DNAI2: variants seen among roughly 807,000 people sequenced by gnomAD.
DNAI2 encodes the protein dynein, axonemal, intermediate polypeptide 2.
A neutral mutation model predicts 74.7 loss-of-function variants in DNAI2; 63 were observed. The ratio of observed to expected loss-of-function variants is 0.84; its 90% confidence interval spans 0.69 to 1.04. The LOEUF (loss-of-function observed/expected upper bound fraction) is 1.04. Among genes scored for constraint, DNAI2 ranks in the 50% least tolerant of loss-of-function variants. DNAI2 has a pLI of 0.00. For synonymous variants in DNAI2, 289 were observed against 314.9 expected, an observed-to-expected ratio of 0.92 and a Z score of 0.87; for missense variants, 688 against 803.2, an observed-to-expected ratio of 0.86 and a Z score of 1.73.
At chr17:74,279,062 G>T (rs2051249296) in intron 1 of DNAI2, among the ~76,000 whole-genome samples, 1 of 152,144 alleles carries the variant, frequency 6.6e-6, no homozygotes, top group African/African-American at 2.4e-5. Flanking sequence ...AGCTACTTGG[G>T]AGGCTGAGGC....
intron 6 of DNAI2, among the ~76,000 whole-genome samples, chr17:74,298,042 C>G (rs986417339): frequency 6.6e-6 from 1 of 152,200 alleles, no homozygotes; most frequent in South Asian, 2.1e-4. Flanking sequence ...CTCCCATAAA[C>G]GTCCCTGCCA....
chr17:74,294,930 T>C (rs1444260978), intron 6 of DNAI2, among the ~76,000 whole-genome samples: 1 of 152,202 alleles, frequency 6.6e-6, no homozygotes, highest in Admixed American at 6.5e-5. Context: ...GACTCTGTTT[T>C]TCTTTGTTCT....
At chr17:74,309,420 G>C (rs1447899343) in intron 10 of DNAI2, 32 bp downstream of exon 10, 3 of 1,613,806 alleles carry the variant, frequency 1.9e-6, no homozygotes, top group Admixed American at 1.7e-5. Context: ...GTGCATCCAG[G>C]TCCTCAGGGA....
chr17:74,297,391 C>CTTTT (rs61180859), intron 6 of DNAI2, among the ~76,000 whole-genome samples: 1 of 127,186 alleles, frequency 7.9e-6, no homozygotes, highest in African/African-American at 3.0e-5. Context: ...CGTGCCCAGA[C>CTTTT]TTTTTTTTTT....
Position 74,314,417 on chromosome 17 carries a change from C to T in DNAI2, c.*55+146C>T, listed in dbSNP as rs1388798263. The T allele has an allele frequency of 3.4e-5, 39 of 1,135,804 alleles. 1 individual carries two copies. The South Asian group carries it at 4.3e-4, about 13-fold the overall frequency. 70.4% of individuals were successfully genotyped at this position (1,135,804 alleles called of 1,614,324 possible). A position where few individuals can be genotyped will look rare whatever the true frequency, so the allele number is the denominator to read the frequency against. ...CACTGGGCACTGAGTCCTGAGCCAC[C>T]CCTTGGAGAGAGGGAAGGGGCGGGG... is the stretch of plus-strand genomic sequence containing the variant. On this transcript the variant is annotated intron_variant, in intron 13 of 13. Coordinates refer to ENST00000311014, the MANE Select transcript of DNAI2 (RefSeq NM_023036.6).
rs1204464128 is a variant in DNAI2, at chr17:74,305,408, G to A, written c.1177G>A (p.Glu393Lys). The A allele has an allele frequency of 6.2e-7, 1 of 1,614,174 alleles. No homozygotes were observed. The stretch of plus-strand genomic sequence containing the variant: ...CGACTGGACAGCCCGCATTTGGTCT[G>A]AAGACAGCCGGGAATCGTCCATCAT... ...VGDWTARIWS[E>K]DSRESSIMWT... Residue 393 changes from glutamate to lysine, a missense_variant, in exon 9 of 14, where the codon GAA (glutamate) becomes AAA (lysine). By Grantham distance (56) the Glu-to-Lys change is moderately conservative (BLOSUM62 1). Coordinates refer to ENST00000311014, the MANE Select transcript of DNAI2 (RefSeq NM_023036.6).
At chr17:74,305,490 G>T (rs1211146163) in intron 9 of DNAI2, 48 bp downstream of exon 9, 2 of 1,580,110 alleles carry the variant, frequency 1.3e-6, no homozygotes, top group Non-Finnish European at 1.7e-6. Flanking sequence ...GACAGGAGGG[G>T]ATGGAGGGAG....
intron 3 of DNAI2, among the ~76,000 whole-genome samples, chr17:74,285,956 C>CATAT (rs1430216324): frequency 1.2e-4 from 8 of 68,306 alleles, no homozygotes; most frequent in East Asian, 5.3e-4. Flanking sequence ...TACACACACA[C>CATAT]ACATATATAT....
At chr17:74,282,204 C>T (rs2051436576) in intron 2 of DNAI2, among the ~76,000 whole-genome samples, 2 of 152,320 alleles carry the variant, frequency 1.3e-5, no homozygotes, top group Non-Finnish European at 2.9e-5. Flanking sequence ...CACCCGCCTT[C>T]CTCGAGCCAG....
chr17:74,314,330 G>T, intron 13 of DNAI2, 59 bp downstream of exon 13: 1 of 1,593,434 alleles, frequency 6.3e-7, no homozygotes. Flanking sequence ...GCACTGGGTG[G>T]TGGGCTGGGA....
At chr17:74,292,762 T>C (rs1370724146) in intron 6 of DNAI2, among the ~76,000 whole-genome samples, 1 of 152,032 alleles carries the variant, frequency 6.6e-6, no homozygotes, top group African/African-American at 2.4e-5. Context: ...GCCTAGCATA[T>C]TGTCTATCCT....
intron 1 of DNAI2, chr17:74,281,571 CCCT>C: frequency 1.7e-6 from 1 of 589,926 alleles, no homozygotes. Context: ...ATTTTTATTG[CCCT>C]CCTCAGAGAG....
intron 12 of DNAI2, among the ~76,000 whole-genome samples, chr17:74,313,273 C>T (rs988351345): frequency 1.3e-5 from 2 of 152,162 alleles, no homozygotes; most frequent in African/African-American, 4.8e-5. Flanking sequence ...GATTTCTTCC[C>T]TCTTCTGCCT....
At chr17:74,289,236 C>T (rs1026641224) in intron 4 of DNAI2, among the ~76,000 whole-genome samples, 24 of 152,166 alleles carry the variant, frequency 1.6e-4, no homozygotes, top group African/African-American at 5.5e-4. Context: ...CATTAGAAAT[C>T]ATCCGAGGGG....
chr17:74,291,243 C>T, intron 6 of DNAI2, 110 bp downstream of exon 6: 2 of 808,834 alleles, frequency 2.5e-6, no homozygotes, highest in African/African-American at 3.5e-5. Flanking sequence ...TCACTGCAAC[C>T]TCCGCCTCCT....
intron 13 of DNAI2, 137 bp downstream of exon 13, chr17:74,314,408 C>G: frequency 8.6e-7 from 1 of 1,159,674 alleles, no homozygotes; most frequent in Non-Finnish European, 1.2e-6. Flanking sequence ...GCACTGAGTC[C>G]TGAGCCACCC....
chr17:74,292,836 T>TC (rs1459408173), intron 6 of DNAI2, among the ~76,000 whole-genome samples: 1 of 148,146 alleles, frequency 6.8e-6, no homozygotes, highest in East Asian at 2.0e-4. Context: ...TAGTTTTCCT[T>TC]TTTTTTTTTT....
Position 74,289,522 on chromosome 17 carries a change from A to C in DNAI2, c.468-72A>C. 9.6e-6 allele frequency: 5 copies of C among 521,588 alleles called. No individual in the cohort carries two copies. The South Asian group carries it at 1.4e-4, about 14-fold the overall frequency. 32.3% of individuals were successfully genotyped at this position (521,588 alleles called of 1,614,324 possible). On this transcript the variant is annotated intron_variant, in intron 4 of 13. Transcript: ENST00000311014. ...GGACAGAGCAAGACTCCATCTGACAAAAAAAAAAAAAAGGGGGAGAAATTG... is the reference window on the plus strand; with the variant it reads ...GGACAGAGCAAGACTCCATCTGACACAAAAAAAAAAAAGGGGGAGAAATTG...
chr17:74,309,552 G>C (rs2053390073), intron 10 of DNAI2, 164 bp downstream of exon 10: 1 of 939,120 alleles, frequency 1.1e-6, no homozygotes, highest in Non-Finnish European at 1.7e-6. Context: ...TTGCTTTTGA[G>C]CGTGTGCTCC....
Sources: allele counts gnomAD v4.1 joint callset (sites outside exome capture counted in the v4.1 genomes callset), GRCh38; gene constraint gnomAD v4.1.1; transcripts MANE v1.5; gene names NCBI Gene and HGNC (gene_info 2026-07-23, HGNC 2026-07-21).